The following ANO5 variants were observed in gnomAD, a reference collection of about 807,000 sequenced individuals.
ANO5 encodes the protein anoctamin 5.
A neutral mutation model predicts 121.0 loss-of-function variants in ANO5; 109 were observed. The observed-to-expected ratio is 0.90, with a 90% CI of 0.77 to 1.06. ANO5 has a LOEUF of 1.06. ANO5 is among the 50% of genes least tolerant of loss of function. The pLI, the probability that ANO5 is intolerant of heterozygous loss-of-function variation, is 0.00. For synonymous variants in ANO5, 406 were observed against 359.9 expected, an observed-to-expected ratio of 1.13 and a Z score of -1.45; for missense variants, 1,064 against 1,078.5, an observed-to-expected ratio of 0.99 and a Z score of 0.19.
rs759872245 is a variant in ANO5 at position 22,279,638 on chromosome 11, C to T, written c.2615C>T (p.Thr872Ile). 2 of 1,612,718 alleles carry T rather than the reference C, an allele frequency of 1.2e-6. No individual in the cohort carries two copies. The highest frequency in any genetic ancestry group is 1.1e-5 in the South Asian group (1 of 91,060). Residue 872 changes from threonine (T) to isoleucine (I), a missense_variant, in exon 22 of 22, where the codon ACT becomes ATT. Thr to Ile is a moderately conservative substitution (Grantham distance 89, BLOSUM62 -1). Coordinates refer to ENST00000324559, the MANE Select transcript of ANO5 (RefSeq NM_213599.3). ...AGAATCAAGAGAGAAAAGTTAATGA[C>T]TATCAAGATTCTCCATGATTTTGAG... ...VERIKREKLMTIKILHDFELN... is the reference protein window; with the variant it reads ...VERIKREKLMIIKILHDFELN...
At chr11:22,256,485 T>C (rs1854003808) in intron 13 of ANO5, among the ~76,000 whole-genome samples, 1 of 152,128 alleles carries the variant, frequency 6.6e-6, no homozygotes, top group Admixed American at 6.6e-5. Flanking sequence ...ACAATGTGGG[T>C]GGCAGTTTGA....
intron 14 of ANO5, 27 bp from the exon 15 acceptor site, chr11:22,259,491 AT>A: frequency 6.3e-7 from 1 of 1,579,074 alleles, no homozygotes; most frequent in Non-Finnish European, 8.7e-7. Flanking sequence ...AGAGACCCAA[AT>A]AGCAGTTCTT....
chr11:22,275,822 A>G (rs1191413799), intron 20 of ANO5, among the ~76,000 whole-genome samples: 2 of 151,868 alleles, frequency 1.3e-5, no homozygotes, highest in Non-Finnish European at 3.0e-5. Context: ...GCAAATTTTG[A>G]ATAACTCATT....
chr11:22,217,453 G>A (rs1462515453), intron 3 of ANO5, among the ~76,000 whole-genome samples: 2 of 150,830 alleles, frequency 1.3e-5, no homozygotes, highest in Middle Eastern at 3.2e-3. Context: ...AAAAACCTGG[G>A]TAAACTTTCC....
chr11:22,267,582 A>G (rs1854416777), intron 17 of ANO5, among the ~76,000 whole-genome samples: 1 of 150,542 alleles, frequency 6.6e-6, no homozygotes, highest in Non-Finnish European at 1.5e-5. Flanking sequence ...ACTCTATCCC[A>G]AGATTTGTTT....
At chr11:22,262,565 T>G (rs908842969) in intron 16 of ANO5, among the ~76,000 whole-genome samples, 1 of 152,210 alleles carries the variant, frequency 6.6e-6, no homozygotes, top group Non-Finnish European at 1.5e-5. Context: ...CCTGAAAATT[T>G]CCTGCAAAGG....
intron 7 of ANO5, among the ~76,000 whole-genome samples, chr11:22,228,807 C>CT (rs1852935344): frequency 1.3e-5 from 2 of 151,936 alleles, no homozygotes; most frequent in Admixed American, 1.3e-4. Context: ...ACATTTCATT[C>CT]TTTTTATGGC....
intron 9 of ANO5, among the ~76,000 whole-genome samples, chr11:22,241,702 C>T (rs568109314): frequency 1.3e-5 from 2 of 152,038 alleles, no homozygotes; most frequent in East Asian, 1.9e-4. Context: ...TGAGAAGTGT[C>T]TCTTCATGTC....
rs768835530 is a variant in ANO5 at position 22,272,870 on chromosome 11, C to A, written c.2116C>A (p.Arg706=). ...LALINNIVEI[R]VDAWKLTTQY... is the part of the protein sequence containing the mutation. ...TCTCATAAATAATATTGTAGAGATT[C>A]GAGTGGATGCCTGGAAACTTACCAC... The change falls in exon 19 of 22, where the codon CGA becomes AGA. Residue 706 remains arginine (R), a synonymous_variant. Coordinates refer to ENST00000324559, the MANE Select transcript of ANO5 (RefSeq NM_213599.3). 1.9e-6 allele frequency: 3 copies of A among 1,613,950 alleles called. No homozygotes were observed. In the East Asian group the frequency reaches 6.7e-5, roughly 36 times the overall value.
intron 19 of ANO5, among the ~76,000 whole-genome samples, chr11:22,273,214 A>C (rs1307342307): frequency 6.6e-6 from 1 of 152,204 alleles, no homozygotes; most frequent in African/African-American, 2.4e-5. Context: ...GTATCATGAC[A>C]CAGTTTCACA....
Position 22,193,421 on chromosome 11 carries a change from T to G in ANO5, c.-72T>G. ...AGTCAGATTCAGCACCTGCCTCAGA[T>G]CTCCACGTCTGTCTCAGCTGCCCCT... is the stretch of plus-strand genomic sequence containing the variant. On this transcript the variant is annotated 5_prime_UTR_variant, in exon 1 of 22. Coordinates refer to ENST00000324559, the MANE Select transcript of ANO5 (RefSeq NM_213599.3). 1.3e-6 allele frequency: 2 copies of G among 1,565,514 alleles called. No individual in the cohort carries two copies. Among genetic ancestry groups the G allele is most frequent in the Admixed American group, 1.9e-5 (1 of 52,534 alleles).
intron 16 of ANO5, 138 bp from the exon 17 acceptor site, chr11:22,262,808 T>G (rs1007597552): frequency 2.9e-5 from 21 of 720,874 alleles, no homozygotes; most frequent in Non-Finnish European, 4.7e-5. Flanking sequence ...GGTTTGGAAC[T>G]ATTGGGCTAA....
intron 3 of ANO5, among the ~76,000 whole-genome samples, chr11:22,213,872 AT>A (rs1852358758): frequency 6.7e-6 from 1 of 148,812 alleles, no homozygotes; most frequent in African/African-American, 2.5e-5. Context: ...AGCTTTGGCT[AT>A]TGGAAGTGGT....
rs118118052 is a variant in ANO5, at chr11:22,195,445, T to C, written c.40+1913T>C. On this transcript the variant is annotated intron_variant, in intron 1 of 21. Transcript: ENST00000324559. ...CTTATTTTTTTTTTTTTTTTATTTT[T>C]TGAGACAGGGTCTGGCTCTATTGCC... 2.7e-3 allele frequency among the ~76,000 whole-genome samples: 413 copies of C among 152,238 alleles called. 10 individuals are homozygous for C. In the East Asian group the frequency reaches 0.065, roughly 24 times the overall value.
At chr11:22,262,336 AT>A (rs764885543) in intron 16 of ANO5, 38 bp downstream of exon 16, 170 of 1,598,676 alleles carry the variant, frequency 1.1e-4, no homozygotes, top group Non-Finnish European at 1.4e-4. Context: ...TGTAGCTTCA[AT>A]ACCTCAGTAT....
chr11:22,256,807 T>A (rs1854015766), intron 13 of ANO5, among the ~76,000 whole-genome samples: 1 of 152,186 alleles, frequency 6.6e-6, no homozygotes, highest in Non-Finnish European at 1.5e-5. Flanking sequence ...ACTGTCACAT[T>A]TGAGTCCACA....
At chr11:22,227,196 C>G in intron 6 of ANO5, 106 bp from the exon 7 acceptor site, 1 of 1,443,922 alleles carries the variant, frequency 6.9e-7, no homozygotes, top group East Asian at 2.3e-5. Context: ...ATTGAAAATG[C>G]TTTGATGTGT....
Position 22,250,866 on chromosome 11 carries a change from T to C in ANO5, c.1119+20T>C. 1 of 1,612,020 alleles carries C rather than the reference T, an allele frequency of 6.2e-7. No individual in the cohort carries two copies. Among genetic ancestry groups the C allele is most frequent in the Non-Finnish European group, 8.5e-7 (1 of 1,178,140 alleles). Reference sequence around the variant, plus strand: ...TCAAAGGTATGTATGCATTGTAACATGTTGAAAAGACTTGGAATTTTCCTC... The same window carrying C: ...TCAAAGGTATGTATGCATTGTAACACGTTGAAAAGACTTGGAATTTTCCTC... On this transcript the variant is annotated intron_variant, in intron 11 of 21. Transcript: ENST00000324559.
chr11:22,231,573 G>C (rs922210218), intron 7 of ANO5, among the ~76,000 whole-genome samples: 1 of 151,636 alleles, frequency 6.6e-6, no homozygotes, highest in Non-Finnish European at 1.5e-5. Context: ...CTATAGTATA[G>C]ATATAATTTT....
Sources: allele counts gnomAD v4.1 joint callset (sites outside exome capture counted in the v4.1 genomes callset), GRCh38; gene constraint gnomAD v4.1.1; transcripts MANE v1.5; gene names NCBI Gene and HGNC (gene_info 2026-07-23, HGNC 2026-07-21).